ROCK2: variants seen among roughly 807,000 people sequenced by gnomAD.
ROCK2 encodes Rho associated coiled-coil containing protein kinase 2.
Under a neutral mutation model 195.1 loss-of-function variants are expected in ROCK2, and 61 were observed. The observed-to-expected ratio is 0.31, with a 90% confidence interval of 0.25 to 0.39. ROCK2 has a LOEUF of 0.39. Ranked by LOEUF, ROCK2 falls within the 10% of genes least tolerant of loss-of-function variation. The pLI is 1.00. For missense variants in ROCK2, 1,109 were observed against 1,637.4 expected (o/e 0.68, Z 5.57); for synonymous variants, 504 against 545.5 (o/e 0.92, Z 1.06).
At chr2:11,219,171 T>C (rs1416333507) in intron 9 of ROCK2, 145 bp from the exon 10 acceptor site, 2 of 446,468 alleles carry the variant, frequency 4.5e-6, no homozygotes, top group African/African-American at 2.0e-5. Flanking sequence ...AAGCAATATT[T>C]TTCCCTCAAG....
rs534925747 is a variant in ROCK2 at position 11,245,593 on chromosome 2, TGTAAA to T, written c.462+4063_462+4067del. Among the ~76,000 whole-genome samples, 432 of 152,284 alleles carry T rather than the reference TGTAAA, an allele frequency of 2.8e-3. 1 individual carries two copies. Among genetic ancestry groups the T allele is most frequent in the African/African-American group, 9.2e-3 (382 of 41,566 alleles). On this transcript the variant is annotated intron_variant, in intron 4 of 32. Transcript: ENST00000315872. ...AGCAATCCCAATGCTAGGAATCTAT[TGTAAA>T]GAAAAACTCACACATGTATAAAAGA...
chr2:11,195,606 C>T (rs1663604916), intron 27 of ROCK2, among the ~76,000 whole-genome samples: 2 of 152,168 alleles, frequency 1.3e-5, no homozygotes, highest in South Asian at 4.1e-4. Context: ...GCTGTGCATC[C>T]TGGGTTCCAG....
At chr2:11,233,606 G>C (rs1327505283) in intron 5 of ROCK2, among the ~76,000 whole-genome samples, 1 of 151,816 alleles carries the variant, frequency 6.6e-6, no homozygotes, top group African/African-American at 2.4e-5. Context: ...GAACATCCAA[G>C]GAATAATAAG....
chr2:11,212,489 C>T (rs1011181247), intron 17 of ROCK2, among the ~76,000 whole-genome samples: 3 of 151,918 alleles, frequency 2.0e-5, no homozygotes, highest in East Asian at 1.9e-4. Context: ...TTGGCATTGC[C>T]GACCTTGTAC....
At chr2:11,335,321 G>A (rs1273969507) in intron 1 of ROCK2, among the ~76,000 whole-genome samples, 1 of 151,974 alleles carries the variant, frequency 6.6e-6, no homozygotes, top group Non-Finnish European at 1.5e-5. Context: ...ACAGATGAGA[G>A]GAAAGAAAAA....
At position 11,317,601 on chromosome 2, in the gene ROCK2, TATATATATATA is replaced by T. The variant is rs1471823653; in HGVS notation, c.141+26384_141+26394del. 1.9e-3 allele frequency among the ~76,000 whole-genome samples: 35 copies of T among 18,566 alleles called. 2 individuals are homozygous for T. In the East Asian group the frequency reaches 0.032, roughly 17 times the overall value. The allele number at this position is 18,566 out of a possible 152,430, so 12.2% of individuals were successfully genotyped here. ...TTATATATATATATATATATATATA[TATATATATATA>T]TTTTTTTTTTTTTTTAATTATACTT... On this transcript the variant is annotated intron_variant, in intron 1 of 32. Transcript: ENST00000315872.
intron 1 of ROCK2, among the ~76,000 whole-genome samples, chr2:11,321,364 CA>C (rs1441846139): frequency 6.6e-6 from 1 of 151,684 alleles, no homozygotes; most frequent in Non-Finnish European, 1.5e-5. Context: ...TTAGTAGAGA[CA>C]GGGTTTTTTG....
At chr2:11,325,895 G>GT (rs1219410926) in intron 1 of ROCK2, among the ~76,000 whole-genome samples, 2 of 152,126 alleles carry the variant, frequency 1.3e-5, no homozygotes, top group Non-Finnish European at 2.9e-5. Flanking sequence ...CCTTTAAGAG[G>GT]TAACGCTGAT....
At chr2:11,263,934 T>G (rs541120287) in intron 3 of ROCK2, among the ~76,000 whole-genome samples, 1 of 150,878 alleles carries the variant, frequency 6.6e-6, no homozygotes, top group African/African-American at 2.4e-5. Context: ...ATTCCCATTT[T>G]TTATCTAACT....
chr2:11,249,560 C>T (rs574320928), intron 4 of ROCK2, 101 bp downstream of exon 4: 5 of 901,158 alleles, frequency 5.5e-6, no homozygotes, highest in Non-Finnish European at 6.2e-6. Context: ...GCACTGTTAC[C>T]ATGTAAATGA....
intron 12 of ROCK2, 133 bp downstream of exon 12, chr2:11,216,957 C>T (rs1003697792): frequency 2.8e-5 from 14 of 492,694 alleles, no homozygotes; most frequent in East Asian, 8.0e-5. Context: ...CTCCTGACCT[C>T]GTGATCCACC....
In ROCK2 at chr2:11,221,329, G is replaced by A; in HGVS notation, c.1128C>T (p.Ser376=). The A allele has an allele frequency of 1.3e-6, 2 of 1,579,054 alleles. No individual in the cohort carries two copies. Among genetic ancestry groups the A allele is most frequent in the Non-Finnish European group, 1.7e-6 (2 of 1,167,456 alleles). ...CGAAATTGCTGCTGTCTATGTCACT[G>A]CTGAGTTCAGGTACTACAGGAGCTG... ...ETAAPVVPEL[S]SDIDSSNFDD... The change falls in exon 9 of 33, where the codon AGC becomes AGT. Residue 376 remains serine (S), a synonymous_variant. Coordinates refer to ENST00000315872, the MANE Select transcript of ROCK2 (RefSeq NM_004850.5).
At chr2:11,308,965 T>G (rs1667948899) in intron 1 of ROCK2, 3 of 1,609,464 alleles carry the variant, frequency 1.9e-6, no homozygotes, top group African/African-American at 2.7e-5. Flanking sequence ...AACCTGGAAC[T>G]TCTGTGAATT....
intron 3 of ROCK2, among the ~76,000 whole-genome samples, chr2:11,265,042 C>A (rs1188863111): frequency 1.3e-5 from 2 of 152,110 alleles, no homozygotes; most frequent in South Asian, 2.1e-4. Flanking sequence ...ATCCTAACTA[C>A]GTGAGTTTAA....
chr2:11,309,264 G>A (rs900826669), intron 1 of ROCK2, among the ~76,000 whole-genome samples: 25 of 151,896 alleles, frequency 1.6e-4, no homozygotes, highest in African/African-American at 2.4e-5. Flanking sequence ...GTATACAGGA[G>A]GATGGGCACA....
At chr2:11,232,575 A>G (rs1006904594) in intron 5 of ROCK2, among the ~76,000 whole-genome samples, 1 of 152,262 alleles carries the variant, frequency 6.6e-6, no homozygotes, top group Non-Finnish European at 1.5e-5. Context: ...AGTTTTTAAT[A>G]AAAAACTCTT....
At chr2:11,323,827 C>G (rs1179057789) in intron 1 of ROCK2, among the ~76,000 whole-genome samples, 1 of 152,132 alleles carries the variant, frequency 6.6e-6, no homozygotes, top group Non-Finnish European at 1.5e-5. Context: ...AACTAACAAA[C>G]CTACAACACT....
In ROCK2 at chr2:11,201,159, A is replaced by AT. The variant is rs770259366; in HGVS notation, c.2724-17dup. On this transcript the variant is annotated splice_polypyrimidine_tract_variant and intron_variant, in intron 22 of 32. Coordinates refer to ENST00000315872, the MANE Select transcript of ROCK2 (RefSeq NM_004850.5). The surrounding 1 kb of genome is among the most constrained non-coding windows in gnomAD (Gnocchi z 4.6). ...CAAAGAGTCCCTACATTTTAGCAAT[A>AT]TATCATTTTAATGGTTCAGTTTTCA... 3.2e-6 allele frequency: 5 copies of AT among 1,586,850 alleles called. No individual in the cohort carries two copies. Among genetic ancestry groups the AT allele is most frequent in the Admixed American group, 3.7e-5 (2 of 54,558 alleles).
chr2:11,280,052 A>C (rs926388934), intron 3 of ROCK2, among the ~76,000 whole-genome samples: 4 of 152,220 alleles, frequency 2.6e-5, no homozygotes, highest in African/African-American at 9.6e-5. Flanking sequence ...CACATATCTA[A>C]AATCAATAAT....
Sources: allele counts gnomAD v4.1 joint callset (sites outside exome capture counted in the v4.1 genomes callset), GRCh38; gene constraint gnomAD v4.1.1; non-coding constraint Gnocchi (gnomAD v3.1); transcripts MANE v1.5; gene names NCBI Gene and HGNC (gene_info 2026-07-23, HGNC 2026-07-21).